Variants in GRK1 observed in about 807,000 individuals in gnomAD.
The protein encoded by GRK1 is rhodopsin kinase GRK1.
In GRK1, 28 loss-of-function variants were observed where a neutral mutation model predicts 41.7. That is an observed-to-expected ratio of 0.67 (90% CI 0.50 to 0.92). The LOEUF (loss-of-function observed/expected upper bound fraction) is 0.92, where lower values mean the gene tolerates loss of function less well. Ranked by LOEUF, GRK1 falls within the 40% of genes least tolerant of loss-of-function variation. The pLI, the probability that GRK1 is intolerant of heterozygous loss-of-function variation, is 0.00. For missense variants in GRK1, 703 were observed against 671.2 expected (o/e 1.05, Z -0.52); for synonymous variants, 327 against 286.7 (o/e 1.14, Z -1.42).
chr13:113,657,588 C>A, the GRK1 span, among the ~76,000 whole-genome samples: 1 of 152,254 alleles, frequency 6.6e-6, no homozygotes, highest in Non-Finnish European at 1.5e-5. Flanking sequence ...ACCTCCGCAT[C>A]TGGACGCCAG....
chr13:113,729,765 C>T (rs1221365571), intron 4 of GRK1, among the ~76,000 whole-genome samples: 2 of 149,664 alleles, frequency 1.3e-5, no homozygotes, highest in South Asian at 4.3e-4. Flanking sequence ...CCATCTGAGA[C>T]AGTCCCTGCG....
chr13:113,654,976 T>C, the GRK1 span: 5 of 1,612,466 alleles, frequency 3.1e-6, no homozygotes, highest in Non-Finnish European at 4.2e-6. Flanking sequence ...ATTTACCACG[T>C]CAGCCATTTT....
chr13:113,661,194 G>GATTATTATATAACAAAGA, the GRK1 span, among the ~76,000 whole-genome samples: 1 of 151,934 alleles, frequency 6.6e-6, no homozygotes, highest in Non-Finnish European at 1.5e-5. Context: ...TAATAACAAA[G>GATTATTATATAACAAAGA]ATAACAGAAA....
the GRK1 span, among the ~76,000 whole-genome samples, chr13:113,662,162 G>A: frequency 6.6e-6 from 1 of 152,220 alleles, no homozygotes; most frequent in African/African-American, 2.4e-5. Context: ...GGCTGGTTCA[G>A]TATTCAAAAC....
rs200986774 is a variant in GRK1 at position 113,671,551 on chromosome 13, G to A, written c.880G>A (p.Ala294Thr). ...EENPGFPEPRALFYTAQIICG... is the reference protein window; with the variant it reads ...EENPGFPEPRTLFYTAQIICG... Reference sequence around the variant, plus strand: ...GAACCCTGGCTTCCCGGAGCCGCGCGCCCTCTTCTACACGGCGCAGATCAT... The same window carrying A: ...GAACCCTGGCTTCCCGGAGCCGCGCACCCTCTTCTACACGGCGCAGATCAT... The change falls in exon 3 of 7, where the codon GCC becomes ACC. Residue 294 changes from alanine to threonine, a missense_variant. Coordinates refer to ENST00000335678, the MANE Select transcript of GRK1 (RefSeq NM_002929.3). The surrounding 1 kb of genome is among the most constrained non-coding windows in gnomAD (Gnocchi z 4.1). 30 of 778,340 alleles carry A rather than the reference G, an allele frequency of 3.9e-5. No homozygotes were observed. Among genetic ancestry groups the A allele is most frequent in the East Asian group, 7.3e-5 (3 of 41,254 alleles). The allele number at this position is 778,340 out of a possible 1,614,324, so 48.2% of individuals were successfully genotyped here.
At chr13:113,672,806 C>T (rs1221825340) in intron 3 of GRK1, among the ~76,000 whole-genome samples, 77 of 73,476 alleles carry the variant, frequency 1.0e-3, no homozygotes, top group Non-Finnish European at 1.5e-3. Context: ...TCTCTCTTAA[C>T]TCTGTCTTGC....
At chr13:113,733,759 G>GTGTATGTGTGTGCATACGTGTGTGCA (rs2049965891) in intron 6 of GRK1, among the ~76,000 whole-genome samples, 2 of 116,384 alleles carry the variant, frequency 1.7e-5, no homozygotes, top group African/African-American at 6.4e-5. Flanking sequence ...ATGTGTGTGC[G>GTGTATGTGTGTGCATACGTGTGTGCA]TGTGTATGTG....
the GRK1 span, among the ~76,000 whole-genome samples, chr13:113,655,306 TG>T: frequency 1.3e-5 from 2 of 152,192 alleles, no homozygotes; most frequent in African/African-American, 4.8e-5. Flanking sequence ...GGGGGAGTTA[TG>T]GTTCCCCCAT....
chr13:113,733,890 CGTGTGTGTATGTGT>C (rs2049973129), intron 6 of GRK1, among the ~76,000 whole-genome samples: 12 of 70,546 alleles, frequency 1.7e-4, no homozygotes, highest in African/African-American at 4.9e-4. Flanking sequence ...TACGTGTGTG[CGTGTGTGTATGTGT>C]GCATACAGTG....
chr13:113,651,989 G>A, the GRK1 span, among the ~76,000 whole-genome samples: 1 of 152,220 alleles, frequency 6.6e-6, no homozygotes. Context: ...CGGCTGGCAG[G>A]AGGCAGAGCT....
chr13:113,724,967 G>A (rs147362247), intron 4 of GRK1, among the ~76,000 whole-genome samples: 20,153 of 152,298 alleles, frequency 0.13, 1,437 homozygotes, highest in Middle Eastern at 0.22. Flanking sequence ...CCAGGCCGAG[G>A]GTGAGGGCCC....
At chr13:113,734,010 G>GCGTA (rs2049981253) in intron 6 of GRK1, among the ~76,000 whole-genome samples, 1 of 132,214 alleles carries the variant, frequency 7.6e-6, no homozygotes, top group Non-Finnish European at 1.5e-5. Context: ...GTGCGTGTGC[G>GCGTA]TGCATGTGTG....
chr13:113,732,543 A>C (rs1287210836), intron 5 of GRK1, among the ~76,000 whole-genome samples: 2 of 152,168 alleles, frequency 1.3e-5, no homozygotes, highest in Admixed American at 1.3e-4. Flanking sequence ...GCTTCCGTCC[A>C]CCGTGGTGGA....
the GRK1 span, chr13:113,649,515 CA>C: frequency 6.5e-7 from 1 of 1,537,106 alleles, no homozygotes; most frequent in South Asian, 1.2e-5. This position sits in a 1 kb window ranked among gnomAD's most constrained non-coding sequence, Gnocchi z 4.7. Context: ...TCGCTGCCAC[CA>C]GGGGGTTGCT....
intron 4 of GRK1, among the ~76,000 whole-genome samples, chr13:113,728,502 T>C (rs1177736077): frequency 6.6e-6 from 1 of 151,930 alleles, no homozygotes; most frequent in Non-Finnish European, 1.5e-5. Flanking sequence ...GGAGTACCCA[T>C]GGTGATGAGT....
At position 113,671,747 on chromosome 13, in the gene GRK1, T is replaced by G; in HGVS notation, c.985+91T>G. The stretch of plus-strand genomic sequence containing the variant: ...GGTCTCTGCACAACCTCACGAGGGC[T>G]GACGGCTGTGTGGACGGTGGGGGTT... On this transcript the variant is annotated intron_variant, in intron 3 of 6. Transcript: ENST00000335678. The surrounding 1 kb of genome is among the most constrained non-coding windows in gnomAD (Gnocchi z 4.1). 1 of 691,552 alleles carries G rather than the reference T, an allele frequency of 1.4e-6. No individual in the cohort carries two copies. The highest frequency in any genetic ancestry group is 2.6e-6 in the Non-Finnish European group (1 of 378,564). The allele number at this position is 691,552 out of a possible 1,614,324, so 42.8% of individuals were successfully genotyped here.
upstream of GRK1, among the ~76,000 whole-genome samples, chr13:113,665,692 CTG>C (rs2049813350): frequency 1.5e-5 from 2 of 130,596 alleles, no homozygotes; most frequent in Admixed American, 7.6e-5. Flanking sequence ...TGTGCCTCAG[CTG>C]TCTCAGGTGT....
At chr13:113,728,102 CAAT>C (rs1239677748) in intron 4 of GRK1, among the ~76,000 whole-genome samples, 8 of 99,146 alleles carry the variant, frequency 8.1e-5, no homozygotes, top group Admixed American at 2.1e-4. Context: ...GTACCCATGG[CAAT>C]GAGGAGTACC....
chr13:113,730,597 G>T (rs564156069), intron 4 of GRK1, among the ~76,000 whole-genome samples: 2 of 149,790 alleles, frequency 1.3e-5, no homozygotes, highest in Admixed American at 6.6e-5. Context: ...CCGTGGCTGC[G>T]CCCAGAGCCG....
Sources: gnomAD v4.1 joint callset for allele counts (sites outside exome capture counted in the v4.1 genomes callset) on GRCh38, gnomAD v4.1.1 for gene constraint, Gnocchi (gnomAD v3.1) non-coding constraint, MANE v1.5 for transcripts, NCBI Gene and HGNC (gene_info 2026-07-23, HGNC 2026-07-21) for gene names.